The following LRRC57 variants were observed in gnomAD, a reference collection of about 807,000 sequenced individuals.
LRRC57 encodes the protein leucine-rich repeat-containing protein 57.
Under a neutral mutation model 23.1 loss-of-function variants are expected in LRRC57, and 14 were observed. The ratio of observed to expected loss-of-function variants is 0.61; its 90% confidence interval spans 0.40 to 0.95. The LOEUF (loss-of-function observed/expected upper bound fraction) is 0.95, where lower values mean the gene tolerates loss of function less well. Ranked by LOEUF, LRRC57 falls within the 40% of genes least tolerant of loss-of-function variation. LRRC57 has a pLI of 0.00. For synonymous variants in LRRC57, 106 were observed against 115.2 expected, an observed-to-expected ratio of 0.92 and a Z score of 0.51; for missense variants, 236 against 284.4, an observed-to-expected ratio of 0.83 and a Z score of 1.22.
At position 42,540,449 on chromosome 15, in the gene LRRC57, T is replaced by A. The variant is rs2057623022; in HGVS notation, c.*3634A>T. ...ATAATTTAAAGTATCAGGAAGATAC[T>A]ATGTCATTTTGTATAAGGGACTTGA... is the stretch of plus-strand genomic sequence containing the variant. On this transcript the variant is annotated 3_prime_UTR_variant, in exon 6 of 6. Coordinates refer to ENST00000397130, the MANE Select transcript of LRRC57 (RefSeq NM_153260.3). 1 of 152,202 alleles carries A rather than the reference T, an allele frequency of 6.6e-6. No individual in the cohort carries two copies. Among genetic ancestry groups the A allele is most frequent in the African/African-American group, 2.4e-5 (1 of 41,454 alleles). 9.4% of individuals were successfully genotyped at this position (152,202 alleles called of 1,614,324 possible). A position where few individuals can be genotyped will look rare whatever the true frequency, so the allele number is the denominator to read the frequency against.
chr15:42,541,892 T>TGAGACTACAGGCG lies in LRRC57; in HGVS notation c.*2178_*2190dup, dbSNP rs1288038515. On this transcript the variant is annotated 3_prime_UTR_variant, in exon 6 of 6. Coordinates refer to ENST00000397130, the MANE Select transcript of LRRC57 (RefSeq NM_153260.3). The stretch of plus-strand genomic sequence containing the variant: ...CTCCTGCCTCAGCCTCCCATGTAGC[T>TGAGACTACAGGCG]GAGACTACAGGCGCCCACCACTACG... The TGAGACTACAGGCG allele has an allele frequency of 6.6e-6, 1 of 151,250 alleles. No homozygotes were observed. The highest frequency in any genetic ancestry group is 2.4e-5 in the African/African-American group (1 of 41,124). 9.4% of individuals were successfully genotyped at this position (151,250 alleles called of 1,614,324 possible).
the LRRC57 span, chr15:42,528,441 A>G: frequency 6.2e-7 from 1 of 1,612,746 alleles, no homozygotes; most frequent in Non-Finnish European, 8.5e-7. Context: ...TCCTCCTGAT[A>G]TTCCTGTACC....
chr15:42,531,435 T>C, the LRRC57 span: 5 of 1,594,080 alleles, frequency 3.1e-6, no homozygotes, highest in Non-Finnish European at 2.6e-6. Context: ...AGAGATCGTA[T>C]TGATATTGCC....
chr15:42,531,344 A>C, the LRRC57 span: 1 of 1,065,018 alleles, frequency 9.4e-7, no homozygotes, highest in Non-Finnish European at 1.3e-6. Context: ...CAGTTACTCC[A>C]AGTGTAAAAA....
At position 42,543,121 on chromosome 15, in the gene LRRC57, G is replaced by A. The variant is rs1438789408; in HGVS notation, c.*962C>T. ...CCTAACCTCGTGATCTGCCTGCCTT[G>A]GCCTCCCAATGTGCTGGGATTACAG... On this transcript the variant is annotated 3_prime_UTR_variant, in exon 6 of 6. Transcript: ENST00000397130. The A allele has an allele frequency of 6.6e-6, 1 of 151,724 alleles. No homozygotes were observed. The highest frequency in any genetic ancestry group is 1.5e-5 in the Non-Finnish European group (1 of 67,992). 9.4% of individuals were successfully genotyped at this position (151,724 alleles called of 1,614,324 possible).
At position 42,547,760 on chromosome 15, in the gene LRRC57, G is replaced by C. The variant is rs181158630; in HGVS notation, c.224-231C>G. 20 of 549,038 alleles carry C rather than the reference G, an allele frequency of 3.6e-5. No homozygotes were observed. In the Admixed American group the frequency reaches 6.6e-4, roughly 18 times the overall value. 34.0% of individuals were successfully genotyped at this position (549,038 alleles called of 1,614,324 possible). On this transcript the variant is annotated intron_variant, in intron 3 of 5. Coordinates refer to ENST00000397130, the MANE Select transcript of LRRC57 (RefSeq NM_153260.3). ...GTATAATGGGCTCCTTTTGTAAAGGGGCCCAAGGCACAATCCGACAGCAAT... is the reference window on the plus strand; with the variant it reads ...GTATAATGGGCTCCTTTTGTAAAGGCGCCCAAGGCACAATCCGACAGCAAT...
downstream of LRRC57, among the ~76,000 whole-genome samples, chr15:42,534,882 G>T (rs1164703071): frequency 6.6e-6 from 1 of 152,204 alleles, no homozygotes; most frequent in Non-Finnish European, 1.5e-5. Context: ...AAACAGATGT[G>T]TTATCATCCA....
At chr15:42,534,455 A>T (rs904097230), downstream of LRRC57, among the ~76,000 whole-genome samples, 1 of 152,150 alleles carries the variant, frequency 6.6e-6, no homozygotes, top group Non-Finnish European at 1.5e-5. Context: ...TCAAACGCCC[A>T]GTCATCCATG....
the LRRC57 span, chr15:42,529,901 G>A: frequency 1.4e-6 from 2 of 1,433,358 alleles, no homozygotes; most frequent in South Asian, 1.3e-5. Context: ...GATACTGTGG[G>A]GGACACGGTA....
rs571933911 is a variant in LRRC57, at chr15:42,540,245, C to T, written c.*3838G>A. The T allele has an allele frequency of 5.3e-5, 8 of 150,902 alleles. No individual in the cohort carries two copies. The highest frequency in any genetic ancestry group is 1.2e-4 in the Non-Finnish European group (8 of 67,908). 9.3% of individuals were successfully genotyped at this position (150,902 alleles called of 1,614,324 possible). ...CAACTGAGTGAACAATACAGTTGGC[C>T]CTAAGTATCCATGGGTTCCACATCT... On this transcript the variant is annotated 3_prime_UTR_variant, in exon 6 of 6. Coordinates refer to ENST00000397130, the MANE Select transcript of LRRC57 (RefSeq NM_153260.3).
At chr15:42,530,715 A>G in the LRRC57 span, among the ~76,000 whole-genome samples, 1 of 152,234 alleles carries the variant, frequency 6.6e-6, no homozygotes, top group Non-Finnish European at 1.5e-5. Flanking sequence ...GCACCATTGC[A>G]TTCCAGCCTG....
chr15:42,530,226 G>A, the LRRC57 span, among the ~76,000 whole-genome samples: 294 of 152,196 alleles, frequency 1.9e-3, 2 homozygotes, highest in African/African-American at 6.5e-3. Context: ...AGGCTAAAGC[G>A]TTCCTCCCAC....
At position 42,545,233 on chromosome 15, in the gene LRRC57, G is replaced by A. The variant is rs113081875; in HGVS notation, c.522C>T (p.Cys174=). ...QISQISVKIS[C]CPRLKILRLE... is the part of the protein sequence containing the mutation. Reference sequence around the variant, plus strand: ...GGCGAAGAATTTTAAGGCGTGGACAGCAAGATATCTTCACTGAGATCTGAG... The same window carrying A: ...GGCGAAGAATTTTAAGGCGTGGACAACAAGATATCTTCACTGAGATCTGAG... Residue 174 remains cysteine, a synonymous_variant, in exon 5 of 6, where the codon TGC becomes TGT. Coordinates refer to ENST00000397130, the MANE Select transcript of LRRC57 (RefSeq NM_153260.3). The A allele has an allele frequency of 3.5e-5, 56 of 1,583,642 alleles. No individual in the cohort carries two copies. The African/African-American group carries it at 7.2e-4, about 20-fold the overall frequency.
chr15:42,533,269 G>T (rs1360033295), downstream of LRRC57, among the ~76,000 whole-genome samples: 2 of 152,126 alleles, frequency 1.3e-5, no homozygotes, highest in South Asian at 4.1e-4. Context: ...TTATTGTGAG[G>T]TTCATTTTAA....
At position 42,547,457 on chromosome 15, in the gene LRRC57, T is replaced by A. The variant is rs547979453; in HGVS notation, c.296A>T (p.Glu99Val). 6.2e-7 allele frequency: 1 copy of A among 1,614,152 alleles called. No homozygotes were observed. Among genetic ancestry groups the A allele is most frequent in the South Asian group, 1.1e-5 (1 of 91,080 alleles). The change falls in exon 4 of 6, where the codon GAG becomes GTG. Residue 99 changes from glutamate to valine, a missense_variant. Glu to Val is a moderately radical substitution (Grantham distance 121). Coordinates refer to ENST00000397130, the MANE Select transcript of LRRC57 (RefSeq NM_153260.3). ...TLSLNNNHLR[E>V]LPSTFGQLSA... ...GAGTTGCCCAAAGGTAGACGGCAGCTCTCTAAGGTGATTGTTGTTTAGGCT... is the reference window on the plus strand; with the variant it reads ...GAGTTGCCCAAAGGTAGACGGCAGCACTCTAAGGTGATTGTTGTTTAGGCT...
At chr15:42,528,563 A>G in the LRRC57 span, 2 of 867,110 alleles carry the variant, frequency 2.3e-6, no homozygotes, top group East Asian at 2.7e-5. Flanking sequence ...AAATCTGCCC[A>G]CTGACAAAAT....
At chr15:42,548,633 G>T (rs995396546) in intron 1 of LRRC57, 60 bp downstream of exon 1, 1 of 636,826 alleles carries the variant, frequency 1.6e-6, no homozygotes. Flanking sequence ...CGCCTTTGCA[G>T]CTCTGCGGAG....
At position 42,540,485 on chromosome 15, in the gene LRRC57, C is replaced by G. The variant is rs1369122595; in HGVS notation, c.*3598G>C. 1.3e-5 allele frequency: 2 copies of G among 152,006 alleles called. No individual in the cohort carries two copies. The highest frequency in any genetic ancestry group is 2.9e-5 in the Non-Finnish European group (2 of 68,000). The allele number at this position is 152,006 out of a possible 1,614,324, so 9.4% of individuals were successfully genotyped here. A position where few individuals can be genotyped will look rare whatever the true frequency, so the allele number is the denominator to read the frequency against. ...GTATAAGGGACTTGAGCATCATGGA[C>G]TTGGTATCCATGGAGGTATTGAAAC... is the stretch of plus-strand genomic sequence containing the variant. On this transcript the variant is annotated 3_prime_UTR_variant, in exon 6 of 6. Coordinates refer to ENST00000397130, the MANE Select transcript of LRRC57 (RefSeq NM_153260.3).
chr15:42,529,762 G>C, the LRRC57 span: 1 of 1,614,022 alleles, frequency 6.2e-7, no homozygotes, highest in Non-Finnish European at 8.5e-7. Flanking sequence ...ACATGGCCCT[G>C]AACATAGGCA....
Sources: gnomAD v4.1 joint callset for allele counts (sites outside exome capture counted in the v4.1 genomes callset) on GRCh38, gnomAD v4.1.1 for gene constraint, MANE v1.5 for transcripts, NCBI Gene and HGNC (gene_info 2026-07-23, HGNC 2026-07-21) for gene names.